TRIM2: variants seen among roughly 807,000 people sequenced by gnomAD.
TRIM2 encodes the protein tripartite motif-containing protein 2.
In TRIM2, 20 loss-of-function variants were observed where a neutral mutation model predicts 75.2. That is an observed-to-expected ratio of 0.27 (90% CI 0.19 to 0.39). The LOEUF is 0.39. Ranked by LOEUF, TRIM2 falls within the 10% of genes least tolerant of loss-of-function variation. The pLI, the probability that TRIM2 is intolerant of heterozygous loss-of-function variation, is 1.00. For missense variants in TRIM2, 660 were observed against 990.8 expected, an observed-to-expected ratio of 0.67 and a Z score of 4.48; for synonymous variants, 373 against 388.3, an observed-to-expected ratio of 0.96 and a Z score of 0.46.
chr4:153,220,306 G>T (rs999315717), intron 1 of TRIM2, among the ~76,000 whole-genome samples: 2 of 152,116 alleles, frequency 1.3e-5, no homozygotes, highest in African/African-American at 4.8e-5. Context: ...AAGTTCTAAG[G>T]CAATATTGGA....
At chr4:153,279,692 C>T (rs2150076465) in intron 3 of TRIM2, among the ~76,000 whole-genome samples, 1 of 152,218 alleles carries the variant, frequency 6.6e-6, no homozygotes, top group Admixed American at 6.5e-5. Flanking sequence ...CCTATAATCT[C>T]AGCACTTTGG....
chr4:153,284,571 C>T (rs886893579), intron 3 of TRIM2, among the ~76,000 whole-genome samples: 18 of 152,212 alleles, frequency 1.2e-4, no homozygotes, highest in African/African-American at 3.9e-4. Flanking sequence ...CATAAGGGTT[C>T]TAATTTCTCA....
chr4:153,333,588 T>G (rs998618287), intron 11 of TRIM2, among the ~76,000 whole-genome samples: 1 of 152,130 alleles, frequency 6.6e-6, no homozygotes, highest in African/African-American at 2.4e-5. Flanking sequence ...AATAAAAATT[T>G]AACAGAAGTA....
At chr4:153,235,353 C>T (rs112292446) in intron 1 of TRIM2, among the ~76,000 whole-genome samples, 7,443 of 151,822 alleles carry the variant, frequency 0.049, 502 homozygotes, top group African/African-American at 0.15. Flanking sequence ...GGCATGATCA[C>T]GGCTCACTAC....
At chr4:153,326,224 AT>A (rs1003000955) in intron 10 of TRIM2, among the ~76,000 whole-genome samples, 1 of 152,218 alleles carries the variant, frequency 6.6e-6, no homozygotes, top group African/African-American at 2.4e-5. Context: ...ATTAAATGGC[AT>A]TTTAGTCGGG....
chr4:153,224,084 C>T (rs2149775278), intron 1 of TRIM2, among the ~76,000 whole-genome samples: 1 of 152,278 alleles, frequency 6.6e-6, no homozygotes, highest in South Asian at 2.1e-4. Flanking sequence ...CCCAGCTCCA[C>T]GTGACCTTTC....
At position 153,295,212 on chromosome 4, in the gene TRIM2, G is replaced by A. The variant is rs528925650; in HGVS notation, c.787-101G>A. 5.4e-5 allele frequency: 76 copies of A among 1,410,162 alleles called. No homozygotes were observed. In the East Asian group the frequency reaches 1.9e-3, roughly 35 times the overall value. The allele number at this position is 1,410,162 out of a possible 1,614,324, so 87.4% of individuals were successfully genotyped here. On this transcript the variant is annotated intron_variant, in intron 5 of 11. Transcript: ENST00000338700. The surrounding 1 kb of genome is among the most constrained non-coding windows in gnomAD (Gnocchi z 7.2). ...ACACCGCTTGCTCAGAGCCACCTGC[G>A]TGGGCAGGTGTAGAGTCTCCTTCTC...
At position 153,328,665 on chromosome 4, in the gene TRIM2, A is replaced by C; in HGVS notation, c.2158A>C (p.Ile720Leu). The part of the protein sequence containing the change: ...IIVADWGNSR[I>L]QVFDGSGSFL... ...TGTGGCCGACTGGGGAAACAGCAGG[A>C]TCCAGGTAGATCAATGTGCTAATGT... The change falls in exon 11 of 12, where the codon ATC becomes CTC. Residue 720 changes from isoleucine (I) to leucine (L), a missense_variant. Physicochemically the swap from Ile to Leu is conservative, Grantham distance 5. This residue lies in a region of TRIM2 where 40 missense variants were observed against 99.8 expected (regional missense o/e 0.40). Coordinates refer to ENST00000338700, the MANE Select transcript of TRIM2 (RefSeq NM_015271.5). 6.8e-6 allele frequency: 11 copies of C among 1,608,300 alleles called. No homozygotes were observed. The highest frequency in any genetic ancestry group is 9.3e-6 in the Non-Finnish European group (11 of 1,178,216).
Position 153,159,296 on chromosome 4 carries a change from CTTTTTTTT to C in TRIM2, c.-49+6041_-49+6048del, listed in dbSNP as rs11318531. On this transcript the variant is annotated intron_variant, in intron 1 of 11. Transcript: ENST00000437508. ...GAAGTTCATTGAGTTTTTACAAAAT[CTTTTTTTT>C]TTTTTTTTTTTTTTGTAGAGACAGT... 1.3e-4 allele frequency among the ~76,000 whole-genome samples: 12 copies of C among 89,174 alleles called. No homozygotes were observed. In the South Asian group the frequency reaches 5.4e-3, roughly 40 times the overall value. The allele number at this position is 89,174 out of a possible 152,430, so 58.5% of individuals were successfully genotyped here. A position where few individuals can be genotyped will look rare whatever the true frequency, so the allele number is the denominator to read the frequency against.
chr4:153,257,898 C>T (rs769990618), intron 1 of TRIM2: 3 of 278,832 alleles, frequency 1.1e-5, no homozygotes, highest in African/African-American at 4.4e-5. Context: ...AAAATGCAGA[C>T]CCATTCTTTG....
At chr4:153,314,814 C>T (rs116577011) in intron 6 of TRIM2, among the ~76,000 whole-genome samples, 2,994 of 152,214 alleles carry the variant, frequency 0.02, 96 homozygotes, top group African/African-American at 0.068. Context: ...CTGTGGCCTT[C>T]GGTTTGTCAA....
intron 1 of TRIM2, among the ~76,000 whole-genome samples, chr4:153,162,346 G>A (rs997087431): frequency 1.3e-5 from 2 of 152,138 alleles, no homozygotes; most frequent in Non-Finnish European, 2.9e-5. Flanking sequence ...TGTAGGATGG[G>A]GCAGCATGCT....
At chr4:153,166,339 G>T (rs1001769506) in intron 1 of TRIM2, among the ~76,000 whole-genome samples, 18 of 152,214 alleles carry the variant, frequency 1.2e-4, no homozygotes, top group African/African-American at 4.3e-4. Context: ...TTAAGAGTGA[G>T]GTTCTATAAC....
chr4:153,206,374 A>C (rs1206986062), intron 1 of TRIM2, among the ~76,000 whole-genome samples: 1 of 152,222 alleles, frequency 6.6e-6, no homozygotes, highest in Non-Finnish European at 1.5e-5. Flanking sequence ...TCTTGGGGTC[A>C]CTGTTTTGTT....
intron 6 of TRIM2, 38 bp from the exon 7 acceptor site, chr4:153,315,447 T>A: frequency 6.6e-7 from 1 of 1,514,862 alleles, no homozygotes; most frequent in Non-Finnish European, 9.0e-7. Flanking sequence ...ATCTAACCCT[T>A]TAGTGCTTAA....
intron 1 of TRIM2, among the ~76,000 whole-genome samples, chr4:153,223,686 T>C (rs1741332539): frequency 6.6e-6 from 1 of 152,172 alleles, no homozygotes; most frequent in Non-Finnish European, 1.5e-5. Context: ...TCCAAAGCAT[T>C]CTGTGAACCC....
At chr4:153,270,081 A>G (rs567186476) in intron 1 of TRIM2, among the ~76,000 whole-genome samples, 91 of 152,136 alleles carry the variant, frequency 6.0e-4, no homozygotes, top group African/African-American at 2.1e-3. Context: ...GGCGTGTGCC[A>G]CCACACCCGG....
intron 3 of TRIM2, among the ~76,000 whole-genome samples, chr4:153,283,898 A>G (rs1759974215): frequency 9.6e-6 from 1 of 104,378 alleles, no homozygotes; most frequent in African/African-American, 4.2e-5. Context: ...TGAGACAGAG[A>G]CTTGCTCTGC....
intron 1 of TRIM2, among the ~76,000 whole-genome samples, chr4:153,221,520 A>G (rs1739985105): frequency 6.6e-6 from 1 of 152,136 alleles, no homozygotes; most frequent in South Asian, 2.1e-4. Context: ...CCCTCTGTCC[A>G]TACACTTCTA....
Sources: allele counts gnomAD v4.1 joint callset (sites outside exome capture counted in the v4.1 genomes callset), GRCh38; gene constraint gnomAD v4.1.1; regional missense constraint gnomAD v4.1.1; non-coding constraint Gnocchi (gnomAD v3.1); transcripts MANE v1.5; gene names NCBI Gene and HGNC (gene_info 2026-07-23, HGNC 2026-07-21).